The following UNC80 variants were observed in gnomAD, a reference collection of about 807,000 sequenced individuals.
The protein encoded by UNC80 is protein unc-80 homolog.
UNC80 carries 164 observed loss-of-function variants against 384.6 expected under a neutral mutation model. The ratio of observed to expected loss-of-function variants is 0.43; its 90% confidence interval spans 0.38 to 0.49. The LOEUF is 0.49. Ranked by LOEUF, UNC80 falls within the 20% of genes least tolerant of loss-of-function variation. The probability of loss-of-function intolerance (pLI) is 0.00; values close to 1 mark genes in which losing one functional copy is unlikely to be tolerated. For synonymous variants in UNC80, 1,486 were observed against 1,527.8 expected, an observed-to-expected ratio of 0.97 and a Z score of 0.64; for missense variants, 3,330 against 4,143.0, an observed-to-expected ratio of 0.80 and a Z score of 5.39.
chr2:209,785,506 T>C (rs2077374623), intron 4 of UNC80, among the ~76,000 whole-genome samples: 1 of 152,148 alleles, frequency 6.6e-6, no homozygotes, highest in Non-Finnish European at 1.5e-5. Flanking sequence ...AGGAGGATGC[T>C]TGATTTATCC....
chr2:209,941,552 C>A, intron 44 of UNC80, 63 bp downstream of exon 44: 1 of 1,414,504 alleles, frequency 7.1e-7, no homozygotes, highest in Non-Finnish European at 9.4e-7. Context: ...TCTAGCCGTT[C>A]AACTAGATCT....
chr2:209,775,477 T>G (rs1457987232), intron 2 of UNC80, among the ~76,000 whole-genome samples: 2 of 152,188 alleles, frequency 1.3e-5, no homozygotes, highest in African/African-American at 4.8e-5. Flanking sequence ...TCAAGACACT[T>G]TCACAAAAAA....
chr2:209,978,741 A>G (rs2093076862), intron 59 of UNC80, 33 bp downstream of exon 59: 2 of 1,486,696 alleles, frequency 1.3e-6, no homozygotes, highest in Non-Finnish European at 9.1e-7. Context: ...GGCAGTAGAC[A>G]TGGCCTGGCC....
chr2:209,836,165 G>T (rs188471056), intron 18 of UNC80, among the ~76,000 whole-genome samples: 1 of 152,238 alleles, frequency 6.6e-6, no homozygotes, highest in Non-Finnish European at 1.5e-5. Flanking sequence ...GTTTTCTTTA[G>T]CTTCCTTTCT....
intron 21 of UNC80, chr2:209,845,057 G>A (rs1416740676): frequency 6.6e-6 from 1 of 150,570 alleles, no homozygotes; most frequent in Non-Finnish European, 1.5e-5. Flanking sequence ...CATAAGGGGA[G>A]CACTTGTGAT....
chr2:209,845,868 T>C (rs1273536852), intron 21 of UNC80, among the ~76,000 whole-genome samples: 1 of 152,164 alleles, frequency 6.6e-6, no homozygotes, highest in Non-Finnish European at 1.5e-5. Flanking sequence ...TGCCCTTTAT[T>C]GCGCAAACAT....
At chr2:209,938,339 TA>T (rs1360314496) in intron 42 of UNC80, among the ~76,000 whole-genome samples, 1 of 152,202 alleles carries the variant, frequency 6.6e-6, no homozygotes, top group Admixed American at 6.5e-5. Flanking sequence ...ATAAAATCTT[TA>T]AAGAATTTCA....
intron 21 of UNC80, among the ~76,000 whole-genome samples, chr2:209,843,748 A>G (rs1272326531): frequency 6.6e-6 from 1 of 152,178 alleles, no homozygotes; most frequent in Admixed American, 6.5e-5. Flanking sequence ...ATGTAACTCT[A>G]AGAATACTTC....
intron 13 of UNC80, 137 bp from the exon 14 acceptor site, chr2:209,825,765 CCGTTA>C: frequency 2.9e-6 from 2 of 693,552 alleles, no homozygotes; most frequent in Non-Finnish European, 4.2e-6. Context: ...TTTGTTGAGC[CCGTTA>C]CAATTCTGTT....
chr2:209,791,909 A>G (rs1308510065), intron 6 of UNC80, among the ~76,000 whole-genome samples: 12 of 151,868 alleles, frequency 7.9e-5, no homozygotes, highest in Non-Finnish European at 1.8e-4. Flanking sequence ...GCACTGTCCA[A>G]TATGATAGCC....
chr2:209,799,197 C>A (rs984655737), intron 7 of UNC80, among the ~76,000 whole-genome samples: 3 of 151,536 alleles, frequency 2.0e-5, no homozygotes, highest in Non-Finnish European at 2.9e-5. Flanking sequence ...TTGATTCTTC[C>A]TATTCAGGAA....
intron 33 of UNC80, among the ~76,000 whole-genome samples, chr2:209,919,440 T>C (rs1192052882): frequency 6.6e-6 from 1 of 152,146 alleles, no homozygotes; most frequent in Non-Finnish European, 1.5e-5. Flanking sequence ...TCTCACAAAA[T>C]ATCCCCAGAA....
At chr2:209,988,996 A>G (rs955534390) in intron 61 of UNC80, among the ~76,000 whole-genome samples, 1 of 152,116 alleles carries the variant, frequency 6.6e-6, no homozygotes, top group African/African-American at 2.4e-5. Context: ...AATCAGTCAT[A>G]TCTCATTCCC....
At chr2:209,796,292 A>G (rs1213447284) in intron 7 of UNC80, 1 of 152,046 alleles carries the variant, frequency 6.6e-6, no homozygotes, top group Non-Finnish European at 1.5e-5. Context: ...TTTACCCAAT[A>G]CCTGTACCCC....
chr2:209,871,711 C>T (rs1056129887), intron 22 of UNC80, among the ~76,000 whole-genome samples: 3 of 151,792 alleles, frequency 2.0e-5, no homozygotes, highest in Admixed American at 6.6e-5. Context: ...CTTCTCATTA[C>T]TTCTTTCCTT....
intron 55 of UNC80, 50 bp from the exon 56 acceptor site, chr2:209,973,014 C>G (rs1324410018): frequency 2.0e-6 from 3 of 1,515,472 alleles, no homozygotes; most frequent in Middle Eastern, 1.7e-4. Flanking sequence ...GGACAGTCTA[C>G]CTTGTGATGT....
chr2:209,931,373 A>ACACACG (rs2090856840), intron 38 of UNC80, among the ~76,000 whole-genome samples: 1 of 131,838 alleles, frequency 7.6e-6, no homozygotes, highest in Non-Finnish European at 1.5e-5. Context: ...AAACACACAC[A>ACACACG]CACACACACA....
chr2:209,941,214 C>T lies in UNC80; in HGVS notation c.6647-7C>T, dbSNP rs2091609899. 2 of 1,494,188 alleles carry T rather than the reference C, an allele frequency of 1.3e-6. No individual in the cohort carries two copies. Among genetic ancestry groups the T allele is most frequent in the East Asian group, 2.5e-5 (1 of 40,042 alleles). 92.6% of individuals were successfully genotyped at this position (1,494,188 alleles called of 1,614,324 possible). On this transcript the variant is annotated splice_region_variant and splice_polypyrimidine_tract_variant and intron_variant, in intron 43 of 64. Transcript: ENST00000673920. ...AATTCTGTCTCTGCTGTTTCATGTT[C>T]TCACAGCTGGAAAGGAACTGTTTGG... is the stretch of plus-strand genomic sequence containing the variant.
chr2:209,772,462 A>G (rs2153824348), intron 1 of UNC80, among the ~76,000 whole-genome samples: 1 of 152,208 alleles, frequency 6.6e-6, no homozygotes, highest in Admixed American at 6.5e-5. Context: ...GGGGAGCTAG[A>G]TAATTATGAC....
Sources: gnomAD v4.1 joint callset for allele counts (sites outside exome capture counted in the v4.1 genomes callset) on GRCh38, gnomAD v4.1.1 for gene constraint, MANE v1.5 for transcripts, NCBI Gene and HGNC (gene_info 2026-07-23, HGNC 2026-07-21) for gene names.